Variants in SAXO1 observed in about 807,000 individuals in gnomAD.
SAXO1 encodes the protein stabilizer of axonemal microtubules 1.
SAXO1 carries 21 observed loss-of-function variants against 17.5 expected under a neutral mutation model. The ratio of observed to expected loss-of-function variants is 1.20; its 90% CI spans 0.85 to 1.72. The LOEUF (loss-of-function observed/expected upper bound fraction) is 1.72. Ranked by LOEUF, SAXO1 falls within the 40% of genes most tolerant of loss-of-function variation. The pLI is 0.00. For missense variants in SAXO1, 843 were observed against 596.0 expected (o/e 1.41, Z -4.32); for synonymous variants, 274 against 216.5 (o/e 1.27, Z -2.33).
chr9:18,985,065 A>C (rs577891769), intron 1 of SAXO1, among the ~76,000 whole-genome samples: 12 of 152,104 alleles, frequency 7.9e-5, no homozygotes, highest in African/African-American at 2.9e-4. Flanking sequence ...TATTTGCCCT[A>C]ATTTCAAATA....
In SAXO1 at chr9:18,928,734, A is replaced by G. The variant is rs199746397; in HGVS notation, c.743T>C (p.Met248Thr). The G allele has an allele frequency of 5.6e-6, 9 of 1,614,062 alleles. No homozygotes were observed. In the East Asian group the frequency reaches 1.6e-4, roughly 28 times the overall value. ...TTQKQSYRGL[M>T]GEPAKSLKPL... Reference sequence around the variant, plus strand: ...TTTCAAGCTCTTGGCAGGCTCCCCCATCAGGCCCCGGTAGGATTGTTTTTG... The same window carrying G: ...TTTCAAGCTCTTGGCAGGCTCCCCCGTCAGGCCCCGGTAGGATTGTTTTTG... The change falls in exon 4 of 4, where the codon ATG (methionine) becomes ACG (threonine). Residue 248 changes from methionine to threonine, a missense_variant. Transcript: ENST00000380534.
intron 1 of SAXO1, among the ~76,000 whole-genome samples, chr9:18,963,949 G>C (rs1168309037): frequency 4.6e-5 from 7 of 152,140 alleles, no homozygotes; most frequent in African/African-American, 1.7e-4. Context: ...AGTTCTTATT[G>C]AGATATGTTC....
chr9:18,938,943 T>G (rs536825661), intron 3 of SAXO1, among the ~76,000 whole-genome samples: 2 of 151,942 alleles, frequency 1.3e-5, no homozygotes, highest in African/African-American at 4.8e-5. Context: ...TCCTCCATCC[T>G]TGCCAACCCC....
At position 18,996,338 on chromosome 9, in the gene SAXO1, TC is replaced by T. The variant is rs1833999206; in HGVS notation, c.38+36532del. 1.3e-5 allele frequency among the ~76,000 whole-genome samples: 2 copies of T among 152,208 alleles called. 1 individual carries two copies. The highest frequency in any genetic ancestry group is 4.1e-4 in the South Asian group (2 of 4,832). On this transcript the variant is annotated intron_variant, in intron 1 of 3. Transcript: ENST00000380534. ...AGAAATGCATCATTAGGCAATTTCG[TC>T]ATTGTGCAAACATCTCAGAGTTTAC...
chr9:19,039,981 G>A (rs527356625), intron 1 of SAXO1, among the ~76,000 whole-genome samples: 5 of 152,190 alleles, frequency 3.3e-5, no homozygotes, highest in Admixed American at 6.5e-5. Context: ...TGCCCGCCTC[G>A]GCCTCTCAAA....
intron 1 of SAXO1, among the ~76,000 whole-genome samples, chr9:18,955,618 G>A (rs931728992): frequency 6.6e-6 from 1 of 152,136 alleles, no homozygotes; most frequent in Admixed American, 6.6e-5. Context: ...TCTTCATATG[G>A]CATAATCAGA....
At chr9:19,000,708 A>C (rs909362471) in intron 1 of SAXO1, among the ~76,000 whole-genome samples, 7 of 151,950 alleles carry the variant, frequency 4.6e-5, no homozygotes, top group Non-Finnish European at 8.8e-5. Flanking sequence ...TTAATTAAAA[A>C]AATAAAAATA....
chr9:18,959,172 G>A (rs542251859), intron 1 of SAXO1, among the ~76,000 whole-genome samples: 3 of 152,184 alleles, frequency 2.0e-5, no homozygotes, highest in South Asian at 4.1e-4. Context: ...GGTGAAAGCA[G>A]CAAGAAATTA....
rs1009860779 is a variant in SAXO1, at chr9:19,033,168, C to G, written c.-260G>C. 1.1e-4 allele frequency: 48 copies of G among 422,182 alleles called. No individual in the cohort carries two copies. The highest frequency in any genetic ancestry group is 8.6e-4 in the African/African-American group (42 of 49,078). The allele number at this position is 422,182 out of a possible 1,614,324, so 26.2% of individuals were successfully genotyped here. A position where few individuals can be genotyped will look rare whatever the true frequency, so the allele number is the denominator to read the frequency against. ...GACCTCACCCTGCACGCCACCGCCC[C>G]GGCCTCCGCAGTCCAGACTTAAGCA... is the stretch of plus-strand genomic sequence containing the variant. On this transcript the variant is annotated 5_prime_UTR_variant, in exon 1 of 4. Coordinates refer to ENST00000380534, the MANE Select transcript of SAXO1 (RefSeq NM_153707.4).
At chr9:18,993,882 A>G (rs990109152) in intron 1 of SAXO1, among the ~76,000 whole-genome samples, 11 of 152,250 alleles carry the variant, frequency 7.2e-5, no homozygotes, top group African/African-American at 2.4e-4. Context: ...GGATAAGTCC[A>G]GAATCCTAAC....
At chr9:19,042,796 A>G (rs1402980072) in intron 1 of SAXO1, among the ~76,000 whole-genome samples, 2 of 151,936 alleles carry the variant, frequency 1.3e-5, no homozygotes, top group African/African-American at 4.8e-5. Flanking sequence ...GGGGAGGCGG[A>G]GGTTGTGTTG....
At chr9:19,036,935 T>C (rs1835956710), upstream of SAXO1, among the ~76,000 whole-genome samples, 1 of 152,138 alleles carries the variant, frequency 6.6e-6, no homozygotes, top group African/African-American at 2.4e-5. Flanking sequence ...AGGGAGGCGG[T>C]ACCCTGGAAA....
intron 1 of SAXO1, among the ~76,000 whole-genome samples, chr9:19,039,824 G>A: frequency 6.6e-6 from 1 of 152,120 alleles, no homozygotes; most frequent in East Asian, 1.9e-4. Context: ...CGCCTCCCAG[G>A]TTCAAGCAAT....
intron 1 of SAXO1, among the ~76,000 whole-genome samples, chr9:19,004,207 T>C (rs1001666641): frequency 2.6e-5 from 4 of 152,194 alleles, no homozygotes; most frequent in Non-Finnish European, 4.4e-5. Flanking sequence ...TCAGTTAGAA[T>C]GGTGTTCATT....
At chr9:18,955,968 C>T (rs995559307) in intron 1 of SAXO1, among the ~76,000 whole-genome samples, 1 of 151,554 alleles carries the variant, frequency 6.6e-6, no homozygotes, top group African/African-American at 2.4e-5. Flanking sequence ...GAGACAGGGA[C>T]CGACTTTGTC....
intron 1 of SAXO1, among the ~76,000 whole-genome samples, chr9:18,998,420 G>T (rs1472065140): frequency 6.6e-6 from 1 of 152,116 alleles, no homozygotes; most frequent in African/African-American, 2.4e-5. Flanking sequence ...AGAGAAAAAA[G>T]AGTGAAAAGA....
At chr9:19,024,722 C>G (rs1444424668) in intron 1 of SAXO1, among the ~76,000 whole-genome samples, 1 of 152,106 alleles carries the variant, frequency 6.6e-6, no homozygotes, top group African/African-American at 2.4e-5. Context: ...AAGCGCCTCT[C>G]CCACCCCTCA....
At chr9:18,948,472 T>G (rs1831885843) in intron 2 of SAXO1, among the ~76,000 whole-genome samples, 1 of 152,220 alleles carries the variant, frequency 6.6e-6, no homozygotes, top group Non-Finnish European at 1.5e-5. Context: ...TCTGCTTTCC[T>G]CTACTTTAGC....
chr9:19,032,777 T>C, intron 1 of SAXO1, 94 bp downstream of exon 1: 1 of 1,409,602 alleles, frequency 7.1e-7, no homozygotes, highest in Non-Finnish European at 9.7e-7. Flanking sequence ...CCCACCGTGA[T>C]GCCGCCTGAT....
Sources: allele counts gnomAD v4.1 joint callset (sites outside exome capture counted in the v4.1 genomes callset), GRCh38; gene constraint gnomAD v4.1.1; transcripts MANE v1.5; gene names NCBI Gene and HGNC (gene_info 2026-07-23, HGNC 2026-07-21).